The following ARHGEF10 variants were observed in gnomAD, a reference collection of about 807,000 sequenced individuals.
The protein encoded by ARHGEF10 is Rho guanine nucleotide exchange factor (GEF) 10.
Under a neutral mutation model 147.4 loss-of-function variants are expected in ARHGEF10, and 140 were observed. That is an observed-to-expected ratio of 0.95 (90% confidence interval 0.83 to 1.09). The LOEUF (loss-of-function observed/expected upper bound fraction) is 1.09. Ranked by LOEUF, ARHGEF10 falls within the 50% of genes least tolerant of loss-of-function variation. The probability of loss-of-function intolerance (pLI) is 0.00; values close to 1 mark genes in which losing one functional copy is unlikely to be tolerated. For synonymous variants in ARHGEF10, 902 were observed against 695.8 expected (o/e 1.30, Z -4.67); for missense variants, 2,222 against 1,752.7 (o/e 1.27, Z -4.78).
chr8:1,898,520 C>A lies in ARHGEF10; in HGVS notation c.1645C>A (p.Leu549Ile), dbSNP rs1419853509. Reference sequence around the variant, plus strand: ...GAGGTTCCCACAGTTCATCCTCCTGCTCCAGGTAAGTGCTTCACGGAGACC... The same window carrying A: ...GAGGTTCCCACAGTTCATCCTCCTGATCCAGGTAAGTGCTTCACGGAGACC... ...IQRFPQFILL[L>I]QDMLKNTSKG... The change falls in exon 15 of 29, where the codon CTC becomes ATC. Residue 549 changes from leucine (L) to isoleucine (I), a missense_variant. Physicochemically the swap from Leu to Ile is conservative, Grantham distance 5. Coordinates refer to ENST00000349830, the MANE Select transcript of ARHGEF10 (RefSeq NM_014629.4). 2 of 1,614,002 alleles carry A rather than the reference C, an allele frequency of 1.2e-6. No homozygotes were observed. The highest frequency in any genetic ancestry group is 2.2e-5 in the South Asian group (2 of 91,084).
rs377689216 is a variant in ARHGEF10, at chr8:1,877,143, A to C, written c.843+409A>C. On this transcript the variant is annotated intron_variant, in intron 8 of 28. Transcript: ENST00000349830. ...CTTTAAGTGAGGTTTCAACTTTAGC[A>C]TGTTCAGCATGAAAAGGAAGACGTA... Among the ~76,000 whole-genome samples, 14 of 152,380 alleles carry C rather than the reference A, an allele frequency of 9.2e-5. No homozygotes were observed. The East Asian group carries it at 1.3e-3, about 15-fold the overall frequency.
At chr8:1,876,913 A>C (rs780662820) in intron 8 of ARHGEF10, among the ~76,000 whole-genome samples, 179 bp downstream of exon 8, 5 of 152,252 alleles carry the variant, frequency 3.3e-5, no homozygotes, top group Non-Finnish European at 5.9e-5. Context: ...CATATAGTTA[A>C]GTATCGTCAT....
At chr8:1,920,936 A>G (rs1263402219) in intron 18 of ARHGEF10, among the ~76,000 whole-genome samples, 1 of 152,056 alleles carries the variant, frequency 6.6e-6, no homozygotes, top group Non-Finnish European at 1.5e-5. Flanking sequence ...TACAGCATGC[A>G]CCATCATGCC....
intron 15 of ARHGEF10, among the ~76,000 whole-genome samples, chr8:1,900,816 A>C (rs987918047): frequency 7.9e-5 from 12 of 152,156 alleles, no homozygotes; most frequent in Admixed American, 6.5e-4. Context: ...TACGTAGGTC[A>C]GTTTGCACAC....
chr8:1,847,622 C>T (rs973517803), intron 2 of ARHGEF10, among the ~76,000 whole-genome samples: 2 of 152,050 alleles, frequency 1.3e-5, no homozygotes, highest in African/African-American at 2.4e-5. Context: ...TGGGGGATGG[C>T]ACTGTTTCTG....
chr8:1,953,619 C>T (rs1306229193), intron 28 of ARHGEF10, among the ~76,000 whole-genome samples: 1 of 55,470 alleles, frequency 1.8e-5, no homozygotes, highest in Non-Finnish European at 3.5e-5. Context: ...AGACATTTGC[C>T]ACAGCATTTA....
chr8:1,870,425 C>T (rs571709845), intron 7 of ARHGEF10: 25 of 151,986 alleles, frequency 1.6e-4, no homozygotes, highest in African/African-American at 4.4e-4. Flanking sequence ...AAAATAAGTA[C>T]AAACATATTG....
chr8:1,886,818 C>T (rs1174983571), intron 11 of ARHGEF10, among the ~76,000 whole-genome samples: 3 of 152,170 alleles, frequency 2.0e-5, no homozygotes, highest in East Asian at 1.9e-4. Context: ...TCCAGCTATG[C>T]GAGGAAGGGG....
Position 1,824,067 on chromosome 8 carries a change from A to T in ARHGEF10, c.-94A>T, listed in dbSNP as rs1329683437. 1 of 137,694 alleles carries T rather than the reference A, an allele frequency of 7.3e-6. No homozygotes were observed. The highest frequency in any genetic ancestry group is 1.6e-5 in the Non-Finnish European group (1 of 63,392). 8.5% of individuals were successfully genotyped at this position (137,694 alleles called of 1,614,324 possible). On this transcript the variant is annotated 5_prime_UTR_variant, in exon 1 of 29. Transcript: ENST00000349830. ...GGGGGACGGCGGGGAACAGCGGGGGACGGCGGGGAACAGCAGGGGACTGCG... is the reference window on the plus strand; with the variant it reads ...GGGGGACGGCGGGGAACAGCGGGGGTCGGCGGGGAACAGCAGGGGACTGCG...
chr8:1,860,790 G>T (rs182107997), intron 4 of ARHGEF10, among the ~76,000 whole-genome samples: 1 of 152,014 alleles, frequency 6.6e-6, no homozygotes, highest in Non-Finnish European at 1.5e-5. Context: ...GACAGTTACC[G>T]TTATGTATGT....
At position 1,902,609 on chromosome 8, in the gene ARHGEF10, C is replaced by A. The variant is rs146750497; in HGVS notation, c.1651-672C>A. ...CTCCCCTAACATGCATAGCCCCCTC[C>A]CCCCACATCTCCACCAGAGTGCATT... On this transcript the variant is annotated intron_variant, in intron 15 of 28. Transcript: ENST00000349830. Among the ~76,000 whole-genome samples, 606 of 152,128 alleles carry A rather than the reference C, an allele frequency of 4.0e-3. 2 individuals are homozygous for A. Among genetic ancestry groups the A allele is most frequent in the Non-Finnish European group, 6.4e-3 (438 of 67,998 alleles).
intron 1 of ARHGEF10, among the ~76,000 whole-genome samples, chr8:1,829,198 A>T (rs1802944856): frequency 6.6e-6 from 1 of 152,212 alleles, no homozygotes; most frequent in African/African-American, 2.4e-5. Flanking sequence ...CCGTGTAGAC[A>T]CAACCCAGGG....
At chr8:1,840,572 G>C (rs1053364688) in intron 1 of ARHGEF10, among the ~76,000 whole-genome samples, 4 of 151,358 alleles carry the variant, frequency 2.6e-5, no homozygotes, top group Non-Finnish European at 5.9e-5. Context: ...TATGGGGACT[G>C]TCTGGTGTGG....
At chr8:1,908,792 G>GT (rs34125836) in intron 17 of ARHGEF10, among the ~76,000 whole-genome samples, 1 of 151,890 alleles carries the variant, frequency 6.6e-6, no homozygotes, top group South Asian at 2.1e-4. Context: ...AAGTCATAGG[G>GT]TTTTTTTTCG....
intron 28 of ARHGEF10, among the ~76,000 whole-genome samples, chr8:1,955,682 CT>C (rs1422803657): frequency 6.6e-6 from 1 of 152,262 alleles, no homozygotes; most frequent in African/African-American, 2.4e-5. Flanking sequence ...TAGCTAGGTG[CT>C]TCCTGAAAGG....
chr8:1,886,668 G>A (rs1808684494), intron 11 of ARHGEF10, among the ~76,000 whole-genome samples: 1 of 152,186 alleles, frequency 6.6e-6, no homozygotes. Flanking sequence ...TCACTCATGG[G>A]TGTGCATGCT....
chr8:1,945,777 C>G, intron 27 of ARHGEF10, 122 bp downstream of exon 27: 1 of 1,424,646 alleles, frequency 7.0e-7, no homozygotes, highest in Admixed American at 1.7e-5. Flanking sequence ...AACATGCTGC[C>G]AGGTAATGGG....
At chr8:1,933,729 G>T in intron 25 of ARHGEF10, 71 bp from the exon 26 acceptor site, 1 of 1,570,168 alleles carries the variant, frequency 6.4e-7, no homozygotes. Flanking sequence ...TTAAAATGAT[G>T]TATGACCCCA....
intron 1 of ARHGEF10, among the ~76,000 whole-genome samples, chr8:1,833,751 C>A (rs1803412031): frequency 6.6e-6 from 1 of 152,242 alleles, no homozygotes; most frequent in South Asian, 2.1e-4. Context: ...TCCTGCAGAT[C>A]CCGGCCCCAC....
Sources: gnomAD v4.1 joint callset for allele counts (sites outside exome capture counted in the v4.1 genomes callset) on GRCh38, gnomAD v4.1.1 for gene constraint, MANE v1.5 for transcripts, NCBI Gene and HGNC (gene_info 2026-07-23, HGNC 2026-07-21) for gene names.